LMLN: variants seen among roughly 807,000 people sequenced by gnomAD.
The protein encoded by LMLN is leishmanolysin like peptidase.
Under a neutral mutation model 92.3 loss-of-function variants are expected in LMLN, and 70 were observed. That is an observed-to-expected ratio of 0.76 (90% CI 0.63 to 0.92). The LOEUF (loss-of-function observed/expected upper bound fraction) is 0.92. Ranked by LOEUF, LMLN falls within the 40% of genes least tolerant of loss-of-function variation. The probability of loss-of-function intolerance (pLI) is 0.00; values close to 1 mark genes in which losing one functional copy is unlikely to be tolerated. For synonymous variants in LMLN, 308 were observed against 296.2 expected (o/e 1.04, Z -0.41); for missense variants, 691 against 814.6 (o/e 0.85, Z 1.85).
chr3:198,037,919 G>C (rs891151984), intron 15 of LMLN, among the ~76,000 whole-genome samples: 1 of 152,200 alleles, frequency 6.6e-6, no homozygotes, highest in Admixed American at 6.5e-5. Flanking sequence ...GTTCTGGTCT[G>C]CCTGAGACCA....
At chr3:198,002,473 C>T (rs896400375) in intron 11 of LMLN, among the ~76,000 whole-genome samples, 2 of 152,250 alleles carry the variant, frequency 1.3e-5, no homozygotes, top group African/African-American at 4.8e-5. Flanking sequence ...CACAGTGGCT[C>T]ATACCTGCAA....
At chr3:197,988,807 G>A (rs1362376386) in intron 8 of LMLN, among the ~76,000 whole-genome samples, 13 of 151,888 alleles carry the variant, frequency 8.6e-5, no homozygotes, top group African/African-American at 1.9e-4. Context: ...TCAGCCTCCC[G>A]AGTAGCTGGG....
rs1385683253 is a variant in LMLN, at chr3:197,984,064, A to G, written c.834+16A>G. The G allele has an allele frequency of 2.0e-6, 3 of 1,510,714 alleles. No individual in the cohort carries two copies. Among genetic ancestry groups the G allele is most frequent in the South Asian group, 2.3e-5 (2 of 88,776 alleles). 93.6% of individuals were successfully genotyped at this position (1,510,714 alleles called of 1,614,324 possible). A position where few individuals can be genotyped will look rare whatever the true frequency, so the allele number is the denominator to read the frequency against. On this transcript the variant is annotated intron_variant, in intron 7 of 15. Transcript: ENST00000330198. Reference sequence around the variant, plus strand: ...TCATGCCCTGGTAAATTCTAGCCTTACTGTTCTTTCCTTCATGCCTTGATT... The same window carrying G: ...TCATGCCCTGGTAAATTCTAGCCTTGCTGTTCTTTCCTTCATGCCTTGATT...
At chr3:197,981,710 A>G (rs1721561672) in intron 6 of LMLN, among the ~76,000 whole-genome samples, 1 of 152,338 alleles carries the variant, frequency 6.6e-6, no homozygotes. Context: ...AGAAATTGCC[A>G]TATGTCTCAG....
At position 198,025,652 on chromosome 3, in the gene LMLN, C is replaced by T. The variant is rs1210494499; in HGVS notation, c.1656+864C>T. On this transcript the variant is annotated intron_variant, in intron 14 of 15. Coordinates refer to ENST00000330198, the Ensembl canonical transcript of LMLN. This position sits in a 1 kb window ranked among gnomAD's most constrained non-coding sequence, Gnocchi z 4.3. Reference sequence around the variant, plus strand: ...CCCAAAGTACTGGGATTATAGATGGCGGCCACCATGCCTCGCCTACTATTT... The same window carrying T: ...CCCAAAGTACTGGGATTATAGATGGTGGCCACCATGCCTCGCCTACTATTT... 2.6e-5 allele frequency among the ~76,000 whole-genome samples: 4 copies of T among 152,132 alleles called. No individual in the cohort carries two copies. Among genetic ancestry groups the T allele is most frequent in the African/African-American group, 4.8e-5 (2 of 41,436 alleles).
intron 11 of LMLN, among the ~76,000 whole-genome samples, chr3:198,005,721 A>G (rs371432211): frequency 6.7e-6 from 1 of 149,806 alleles, no homozygotes; most frequent in Admixed American, 6.7e-5. Context: ...TGCAACCTCT[A>G]CCTACTAGGT....
chr3:197,963,716 T>C (rs1014419659), intron 1 of LMLN, among the ~76,000 whole-genome samples: 1 of 152,242 alleles, frequency 6.6e-6, no homozygotes, highest in South Asian at 2.1e-4. Flanking sequence ...ATGTTAGCAA[T>C]GTATTAACTA....
At chr3:197,983,833 G>T in intron 6 of LMLN, 110 bp from the exon 7 acceptor site, 1 of 657,502 alleles carries the variant, frequency 1.5e-6, no homozygotes. Flanking sequence ...AAATTGCATT[G>T]GATACTTTGC....
chr3:197,962,337 A>G (rs774602624), intron 1 of LMLN, among the ~76,000 whole-genome samples: 2 of 152,214 alleles, frequency 1.3e-5, no homozygotes, highest in East Asian at 1.9e-4. Context: ...TGAGTATTCC[A>G]TTGAATACTT....
intron 1 of LMLN, among the ~76,000 whole-genome samples, chr3:197,965,521 A>G (rs539358100): frequency 2.0e-5 from 3 of 152,262 alleles, no homozygotes; most frequent in African/African-American, 7.2e-5. Flanking sequence ...GATTATAGAC[A>G]TGAGTCACTG....
At chr3:198,008,194 CT>C (rs1722344281) in intron 11 of LMLN, among the ~76,000 whole-genome samples, 1 of 151,952 alleles carries the variant, frequency 6.6e-6, no homozygotes, top group Non-Finnish European at 1.5e-5. Context: ...GGAGTTTTCT[CT>C]TTTTTCCCCA....
intron 1 of LMLN, among the ~76,000 whole-genome samples, chr3:197,973,471 T>C (rs964788501): frequency 3.3e-5 from 5 of 152,168 alleles, no homozygotes; most frequent in African/African-American, 1.2e-4. Context: ...CTCAGTCTCC[T>C]GACCTTGTGA....
At chr3:197,976,680 T>G in exon 5 of LMLN, 1 of 1,575,138 alleles carries the variant, frequency 6.3e-7, no homozygotes. Flanking sequence ...ACACACAAAG[T>G]GCGGCCCCGT....
Position 198,025,515 on chromosome 3 carries a change from T to C in LMLN, c.1656+727T>C, listed in dbSNP as rs1315488510. On this transcript the variant is annotated intron_variant, in intron 14 of 15. Coordinates refer to ENST00000330198, the Ensembl canonical transcript of LMLN. The surrounding 1 kb of genome is among the most constrained non-coding windows in gnomAD (Gnocchi z 4.3). Reference sequence around the variant, plus strand: ...GCCTCCTGAGGAGCTGGGACTACAGTGTGCACCACACACCCGACTAAGTGT... The same window carrying C: ...GCCTCCTGAGGAGCTGGGACTACAGCGTGCACCACACACCCGACTAAGTGT... 1.3e-5 allele frequency among the ~76,000 whole-genome samples: 2 copies of C among 151,520 alleles called. No homozygotes were observed. Among genetic ancestry groups the C allele is most frequent in the African/African-American group, 2.4e-5 (1 of 41,234 alleles).
In LMLN at chr3:198,017,661, G is replaced by A. The variant is rs1483241388; in HGVS notation, c.1233-1592G>A. On this transcript the variant is annotated intron_variant, in intron 11 of 15. Coordinates refer to ENST00000330198, the Ensembl canonical transcript of LMLN. ...GGGCCAGGCATGGTGGCCCATGACC[G>A]TAATCCCAGCACTTTGGGAGGCAGA... Among the ~76,000 whole-genome samples, 4 of 152,208 alleles carry A rather than the reference G, an allele frequency of 2.6e-5. No individual in the cohort carries two copies. The East Asian group carries it at 5.8e-4, about 22-fold the overall frequency.
At chr3:198,036,037 C>T (rs1408053059) in exon 15 of LMLN, 3 of 1,612,756 alleles carry the variant, frequency 1.9e-6, no homozygotes, top group Non-Finnish European at 2.5e-6. Flanking sequence ...CCGAGCTCTG[C>T]CACTTGGTGA....
chr3:198,003,020 A>G (rs1199238598), intron 11 of LMLN: 8 of 1,545,906 alleles, frequency 5.2e-6, no homozygotes, highest in Non-Finnish European at 6.1e-6. Context: ...CACAGCTGGT[A>G]TAAAGCAAAT....
chr3:197,997,832 A>G (rs1456340682), intron 10 of LMLN, among the ~76,000 whole-genome samples: 4 of 152,144 alleles, frequency 2.6e-5, no homozygotes, highest in East Asian at 3.8e-4. Flanking sequence ...ATTTTTTTCT[A>G]TATGAATGTA....
exon 1 of LMLN, chr3:197,960,365 G>A (rs146158864): frequency 1.2e-6 from 2 of 1,613,970 alleles, no homozygotes; most frequent in Non-Finnish European, 1.7e-6. Context: ...GCGGGCTCCG[G>A]GCCAGCGCCA....
Sources: allele counts gnomAD v4.1 joint callset (sites outside exome capture counted in the v4.1 genomes callset), GRCh38; gene constraint gnomAD v4.1.1; non-coding constraint Gnocchi (gnomAD v3.1); transcripts MANE v1.5; gene names NCBI Gene and HGNC (gene_info 2026-07-23, HGNC 2026-07-21).